CCDC178: variants seen among roughly 807,000 people sequenced by gnomAD.
The protein encoded by CCDC178 is coiled-coil domain-containing protein 178.
CCDC178 carries 126 observed loss-of-function variants against 117.4 expected under a neutral mutation model. That is an observed-to-expected ratio of 1.07 (90% confidence interval 0.93 to 1.24). The LOEUF (loss-of-function observed/expected upper bound fraction) is 1.24. Ranked by LOEUF, CCDC178 falls within the 50% of genes most tolerant of loss-of-function variation. The pLI is 0.00. For missense variants in CCDC178, 1,030 were observed against 986.9 expected, an observed-to-expected ratio of 1.04 and a Z score of -0.59; for synonymous variants, 283 against 313.4, an observed-to-expected ratio of 0.90 and a Z score of 1.02.
At chr18:32,983,143 A>G (rs2055186888) in intron 21 of CCDC178, 1 of 511,408 alleles carries the variant, frequency 2.0e-6, no homozygotes, top group Non-Finnish European at 3.4e-6. Flanking sequence ...AAATCTAAAA[A>G]AAAAAAAACC....
chr18:32,991,668 A>G (rs2055396726), intron 21 of CCDC178, among the ~76,000 whole-genome samples: 1 of 152,040 alleles, frequency 6.6e-6, no homozygotes, highest in South Asian at 2.1e-4. Flanking sequence ...TCATGTCTCC[A>G]TGCTGTCTCG....
intron 22 of CCDC178, among the ~76,000 whole-genome samples, chr18:32,940,347 T>A (rs1013831694): frequency 2.0e-5 from 3 of 152,048 alleles, no homozygotes; most frequent in Non-Finnish European, 2.9e-5. Flanking sequence ...CAACTTTTCT[T>A]TTTTTGCTTC....
At chr18:33,086,888 A>G (rs912245747) in intron 21 of CCDC178, among the ~76,000 whole-genome samples, 2 of 151,648 alleles carry the variant, frequency 1.3e-5, no homozygotes, top group African/African-American at 4.9e-5. Flanking sequence ...TCTGCCTTCT[A>G]GATGCCAGAG....
At chr18:33,083,858 A>C (rs768711817) in intron 21 of CCDC178, among the ~76,000 whole-genome samples, 7 of 152,220 alleles carry the variant, frequency 4.6e-5, no homozygotes, top group Non-Finnish European at 1.0e-4. Context: ...GATGTTGATA[A>C]AAACTCTTCT....
intron 2 of CCDC178, among the ~76,000 whole-genome samples, chr18:33,419,477 A>G (rs1599298498): frequency 6.6e-6 from 1 of 152,204 alleles, no homozygotes; most frequent in East Asian, 1.9e-4. Flanking sequence ...AAAATAAACT[A>G]TCAACAGAGT....
intron 20 of CCDC178, among the ~76,000 whole-genome samples, chr18:33,151,499 TAAC>T: frequency 6.6e-6 from 1 of 151,058 alleles, no homozygotes; most frequent in Non-Finnish European, 1.5e-5. Flanking sequence ...AAGTTATAGT[TAAC>T]ATTCTCAAAG....
chr18:33,217,203 C>T (rs1382071003), intron 18 of CCDC178, among the ~76,000 whole-genome samples: 1 of 151,996 alleles, frequency 6.6e-6, no homozygotes, highest in Admixed American at 6.6e-5. Flanking sequence ...TAGAAGATTT[C>T]CATGCTTTCT....
intron 14 of CCDC178, among the ~76,000 whole-genome samples, chr18:33,265,709 T>C (rs1243471579): frequency 6.6e-6 from 1 of 151,900 alleles, no homozygotes; most frequent in African/African-American, 2.4e-5. Flanking sequence ...TCTTTGGTCC[T>C]TTCACCCCTG....
chr18:33,221,938 T>C (rs963810089), intron 18 of CCDC178, among the ~76,000 whole-genome samples: 1 of 152,214 alleles, frequency 6.6e-6, no homozygotes, highest in South Asian at 2.1e-4. Context: ...TTTTAAGTTA[T>C]CTTTTGGAAT....
At chr18:33,015,429 G>C (rs1389148171) in intron 21 of CCDC178, among the ~76,000 whole-genome samples, 2 of 152,042 alleles carry the variant, frequency 1.3e-5, no homozygotes, top group Non-Finnish European at 1.5e-5. Flanking sequence ...GCCGGGCGTG[G>C]TGGCAGATGC....
At chr18:33,413,829 A>G (rs2063893308) in intron 2 of CCDC178, among the ~76,000 whole-genome samples, 2 of 152,142 alleles carry the variant, frequency 1.3e-5, no homozygotes, top group Admixed American at 6.5e-5. Flanking sequence ...AAATTAACCC[A>G]TTCCTAGGAC....
chr18:33,400,044 C>T (rs982879649), intron 3 of CCDC178, among the ~76,000 whole-genome samples: 4 of 151,886 alleles, frequency 2.6e-5, no homozygotes, highest in African/African-American at 9.7e-5. Flanking sequence ...CGTACATCTC[C>T]ATTTCACCTC....
At chr18:33,414,594 A>G (rs1446977776) in intron 2 of CCDC178, among the ~76,000 whole-genome samples, 1 of 152,152 alleles carries the variant, frequency 6.6e-6, no homozygotes, top group Non-Finnish European at 1.5e-5. Flanking sequence ...AACCATAAAA[A>G]CCCTAGAAGA....
chr18:33,250,621 T>C (rs1342336732), intron 14 of CCDC178, among the ~76,000 whole-genome samples: 5 of 151,776 alleles, frequency 3.3e-5, no homozygotes, highest in Non-Finnish European at 5.9e-5. Flanking sequence ...TCTGACTATG[T>C]ATTTTCAAAA....
chr18:33,371,022 G>C (rs2063290189), intron 5 of CCDC178, among the ~76,000 whole-genome samples: 1 of 152,004 alleles, frequency 6.6e-6, no homozygotes, highest in African/African-American at 2.4e-5. Context: ...AATGAGAACA[G>C]TGTGATGTCC....
At chr18:33,218,166 C>A (rs912297122) in intron 18 of CCDC178, among the ~76,000 whole-genome samples, 1 of 151,838 alleles carries the variant, frequency 6.6e-6, no homozygotes, top group Non-Finnish European at 1.5e-5. Context: ...TTTCCACCAA[C>A]AAATCCTATT....
Position 33,216,470 on chromosome 18 carries a change from C to G in CCDC178, c.1933-775G>C, listed in dbSNP as rs563178833. On this transcript the variant is annotated intron_variant, in intron 18 of 22. Transcript: ENST00000383096. The stretch of plus-strand genomic sequence containing the variant: ...TGTTCAAATGGAACTGAGTGACTCA[C>G]TGATGGACTGTTATTGAATTGTTCC... 2.6e-5 allele frequency among the ~76,000 whole-genome samples: 4 copies of G among 152,156 alleles called. No homozygotes were observed. The South Asian group carries it at 8.3e-4, about 32-fold the overall frequency.
intron 20 of CCDC178, among the ~76,000 whole-genome samples, chr18:33,110,535 A>G (rs2057766790): frequency 6.6e-6 from 1 of 151,636 alleles, no homozygotes; most frequent in South Asian, 2.1e-4. Flanking sequence ...TTTAACATTT[A>G]TATCTGTAAA....
chr18:33,144,617 T>C (rs1261438558), intron 20 of CCDC178, among the ~76,000 whole-genome samples: 1 of 152,156 alleles, frequency 6.6e-6, no homozygotes, highest in African/African-American at 2.4e-5. Context: ...CCCTTCATAA[T>C]CTCCGTTCCT....
Sources: gnomAD v4.1 joint callset for allele counts (sites outside exome capture counted in the v4.1 genomes callset) on GRCh38, gnomAD v4.1.1 for gene constraint, MANE v1.5 for transcripts, NCBI Gene and HGNC (gene_info 2026-07-23, HGNC 2026-07-21) for gene names.